The following PPP1R3F variants were observed in gnomAD, a reference collection of about 807,000 sequenced individuals.
The protein encoded by PPP1R3F is protein phosphatase 1 regulatory subunit 3F, also known as protein phosphatase 1, regulatory (inhibitor) subunit 3F.
PPP1R3F carries 29 observed loss-of-function variants against 24.2 expected under a neutral mutation model. The observed-to-expected ratio is 1.20, with a 90% CI of 0.89 to 1.63. The LOEUF (loss-of-function observed/expected upper bound fraction) is 1.63, where lower values mean the gene tolerates loss of function less well. Among genes scored for constraint, PPP1R3F ranks in the 40% most tolerant of loss-of-function variants. The pLI, the probability that PPP1R3F is intolerant of heterozygous loss-of-function variation, is 0.00. For synonymous variants in PPP1R3F, 363 were observed against 340.1 expected (o/e 1.07, Z -0.74); for missense variants, 823 against 729.3 (o/e 1.13, Z -1.48).
intron 1 of PPP1R3F, among the ~76,000 whole-genome samples, chrX:49,271,538 A>G (rs6651679): frequency 0.031 from 3,527 of 112,568 alleles, 128 homozygotes; most frequent in African/African-American, 0.11. Context: ...CTGCAATGAC[A>G]TAGTGTGGAC....
At chrX:49,300,859 G>A (rs1229793240) in intron 3 of PPP1R3F, among the ~76,000 whole-genome samples, 4 of 111,654 alleles carry the variant, frequency 3.6e-5, no homozygotes, top group Non-Finnish European at 7.5e-5. Flanking sequence ...ATGGGTGTGA[G>A]TAAGATGCTT....
intron 3 of PPP1R3F, among the ~76,000 whole-genome samples, chrX:49,300,492 T>G (rs1455503467): frequency 1.6e-4 from 5 of 32,151 alleles, no homozygotes; most frequent in Non-Finnish European, 4.5e-4. Flanking sequence ...TTTTTTTTTT[T>G]TTTTTTTTTT....
rs868994148 is a variant in PPP1R3F at position 49,269,842 on chromosome X, T to C, written c.-28T>C. On this transcript the variant is annotated 5_prime_UTR_variant, in exon 1 of 4. Transcript: ENST00000055335. ...CTGCCCCCGCCGGTCCCGCCGCCGG[T>C]GCCGTCGGTGCCGCCGCCGCCGCCG... 2.3e-6 allele frequency: 2 copies of C among 870,781 alleles called. No individual in the cohort carries two copies. The highest frequency in any genetic ancestry group is 6.0e-5 in the South Asian group (1 of 16,563). 71.8% of individuals were successfully genotyped at this position (870,781 alleles called of 1,213,427 possible).
chrX:49,291,316 C>CTATCTCTCTCTCTCTCTCTCTCTGTCTG (rs1557122355), downstream of PPP1R3F, among the ~76,000 whole-genome samples: 1 of 88,352 alleles, frequency 1.1e-5, no homozygotes, highest in Non-Finnish European at 2.4e-5. Flanking sequence ...CTCTCTCTCT[C>CTATCTCTCTCTCTCTCTCTCTCTGTCTG]TCTCTCTCTC....
Position 49,285,932 on chromosome X carries a change from C to T in PPP1R3F, c.1242C>T (p.Ala414=). Residue 414 remains alanine, a synonymous_variant, in exon 4 of 4, where the codon GCC becomes GCT. Coordinates refer to ENST00000055335, the MANE Select transcript of PPP1R3F (RefSeq NM_033215.5). The part of the protein sequence containing the change: ...VAFTEVLQAP[A]IRIPPSSPLC... The stretch of plus-strand genomic sequence containing the variant: ...TTACAGAGGTCCTCCAGGCACCGGC[C>T]ATCAGGATTCCCCCCTCCTCCCCTC... 1 of 1,209,005 alleles carries T rather than the reference C, an allele frequency of 8.3e-7. No individual in the cohort carries two copies. Among genetic ancestry groups the T allele is most frequent in the Non-Finnish European group, 1.1e-6 (1 of 893,728 alleles).
At chrX:49,288,822 G>T (rs1557122080), downstream of PPP1R3F, among the ~76,000 whole-genome samples, 1 of 111,800 alleles carries the variant, frequency 8.9e-6, no homozygotes, top group African/African-American at 3.3e-5. Flanking sequence ...AAATGCGAAG[G>T]GCAAAACCAA....
chrX:49,282,838 C>T (rs1223956643), intron 3 of PPP1R3F, among the ~76,000 whole-genome samples: 3 of 109,236 alleles, frequency 2.7e-5, no homozygotes, highest in Non-Finnish European at 3.8e-5. Flanking sequence ...GCATTGTGGA[C>T]GGAGGAGGGA....
downstream of PPP1R3F, among the ~76,000 whole-genome samples, chrX:49,288,579 C>T (rs1358913016): frequency 1.8e-5 from 2 of 111,551 alleles, no homozygotes; most frequent in Non-Finnish European, 3.8e-5. Flanking sequence ...TCAGATGGCA[C>T]GATATTTTTG....
At chrX:49,295,558 A>ATT (rs201183897) in intron 3 of PPP1R3F, among the ~76,000 whole-genome samples, 136 of 107,242 alleles carry the variant, frequency 1.3e-3, no homozygotes, top group Non-Finnish European at 7.0e-4. Context: ...TATGTTGAGG[A>ATT]TTTTTTTTTC....
At chrX:49,294,237 C>G (rs890352059) in intron 3 of PPP1R3F, among the ~76,000 whole-genome samples, 3 of 108,893 alleles carry the variant, frequency 2.8e-5, no homozygotes, top group African/African-American at 1.0e-4. Flanking sequence ...CTCTCCTCAC[C>G]CCCTCACCCA....
intron 1 of PPP1R3F, chrX:49,274,620 G>A (rs371349366): frequency 2.2e-4 from 25 of 112,398 alleles, no homozygotes; most frequent in African/African-American, 7.8e-4. Flanking sequence ...AGCCCAGCAC[G>A]TGCTAAGCTT....
chrX:49,285,586 C>A (rs1026237831), intron 3 of PPP1R3F, among the ~76,000 whole-genome samples: 1 of 111,908 alleles, frequency 8.9e-6, no homozygotes, highest in Non-Finnish European at 1.9e-5. Flanking sequence ...TCACACCCAC[C>A]GAATTCCTCA....
intron 1 of PPP1R3F, among the ~76,000 whole-genome samples, chrX:49,277,455 A>G (rs1443816576): frequency 1.8e-5 from 2 of 112,506 alleles, no homozygotes; most frequent in Admixed American, 9.3e-5. Flanking sequence ...CCTTGAGGGG[A>G]TGCCACGTGG....
downstream of PPP1R3F, among the ~76,000 whole-genome samples, chrX:49,291,852 C>T (rs1228443292): frequency 9.0e-6 from 1 of 110,755 alleles, no homozygotes; most frequent in Non-Finnish European, 1.9e-5. Flanking sequence ...TGCTATCACC[C>T]ACCCGCATCC....
chrX:49,293,803 C>T (rs2066315539), intron 3 of PPP1R3F, among the ~76,000 whole-genome samples: 1 of 111,820 alleles, frequency 8.9e-6, no homozygotes, highest in Non-Finnish European at 1.9e-5. Context: ...TGAGAGCAGC[C>T]TGAGCAACAT....
intron 3 of PPP1R3F, among the ~76,000 whole-genome samples, chrX:49,283,077 T>C (rs185993542): frequency 9.2e-6 from 1 of 108,812 alleles, no homozygotes; most frequent in African/African-American, 3.4e-5. Flanking sequence ...AAAAGTAAAA[T>C]AGTATAATGA....
In PPP1R3F at chrX:49,282,443, CTGTGTGTGTG is replaced by C. The variant is rs545507997; in HGVS notation, c.1143+422_1143+431del. On this transcript the variant is annotated intron_variant, in intron 3 of 3. Transcript: ENST00000055335. ...AGGAATAGGGAGTGGGTGAGAGACT[CTGTGTGTGTG>C]TGTGTGTGTGTGTGTGTGTGTGTGT... Among the ~76,000 whole-genome samples the C allele has an allele frequency of 7.6e-3, 561 of 73,878 alleles. 5 individuals are homozygous for C. Among genetic ancestry groups the C allele is most frequent in the African/African-American group, 0.011 (210 of 18,535 alleles). 64.2% of individuals were successfully genotyped at this position (73,878 alleles called of 115,157 possible). A position where few individuals can be genotyped will look rare whatever the true frequency, so the allele number is the denominator to read the frequency against.
At chrX:49,276,901 G>A (rs1157259227) in intron 1 of PPP1R3F, among the ~76,000 whole-genome samples, 1 of 112,155 alleles carries the variant, frequency 8.9e-6, no homozygotes, top group African/African-American at 3.2e-5. Context: ...AGTATCGTGG[G>A]GCAGGTTTCT....
Position 49,285,871 on chromosome X carries a change from A to G in PPP1R3F, c.1181A>G (p.Glu394Gly). The G allele has an allele frequency of 8.6e-7, 1 of 1,165,240 alleles. No homozygotes were observed. The highest frequency in any genetic ancestry group is 1.1e-6 in the Non-Finnish European group (1 of 870,059). The change falls in exon 4 of 4, where the codon GAA becomes GGA. Residue 394 changes from glutamate to glycine, a missense_variant. Coordinates refer to ENST00000055335, the MANE Select transcript of PPP1R3F (RefSeq NM_033215.5). The stretch of plus-strand genomic sequence containing the variant: ...CCGATGACTGGCAACCCCGCAGAAG[A>G]AGGTGATGTCCCCAGAAGCAGTCCA... The part of the protein sequence containing the change: ...DVPMTGNPAE[E>G]GDVPRSSPPV...
Sources: gnomAD v4.1 joint callset for allele counts (sites outside exome capture counted in the v4.1 genomes callset) on GRCh38, gnomAD v4.1.1 for gene constraint, MANE v1.5 for transcripts, NCBI Gene and HGNC (gene_info 2026-07-23, HGNC 2026-07-21) for gene names.